PCDHA8: variants seen among roughly 807,000 people sequenced by gnomAD.
PCDHA8 encodes the protein protocadherin alpha-8.
Under a neutral mutation model 61.8 loss-of-function variants are expected in PCDHA8, and 53 were observed. The observed-to-expected ratio is 0.86, with a 90% CI of 0.69 to 1.08. The LOEUF (loss-of-function observed/expected upper bound fraction) is 1.08, where lower values mean the gene tolerates loss of function less well. Ranked by LOEUF, PCDHA8 falls within the 50% of genes least tolerant of loss-of-function variation. The probability of loss-of-function intolerance (pLI) is 0.00; values close to 1 mark genes in which losing one functional copy is unlikely to be tolerated. For synonymous variants in PCDHA8, 618 were observed against 556.6 expected (o/e 1.11, Z -1.55); for missense variants, 1,293 against 1,245.0 (o/e 1.04, Z -0.58).
At chr5:141,001,702 G>C (rs2098033163) in intron 3 of PCDHA8, among the ~76,000 whole-genome samples, 1 of 152,194 alleles carries the variant, frequency 6.6e-6, no homozygotes, top group Non-Finnish European at 1.5e-5. Flanking sequence ...GGCGAAATAG[G>C]GGGCGGGGAA....
chr5:140,947,146 A>G (rs1253300651), intron 1 of PCDHA8, among the ~76,000 whole-genome samples: 2 of 151,546 alleles, frequency 1.3e-5, no homozygotes, highest in Non-Finnish European at 1.5e-5. Context: ...ATGTATAGTT[A>G]CTTCCACGGG....
intron 1 of PCDHA8, among the ~76,000 whole-genome samples, chr5:140,941,737 T>A (rs1221306435): frequency 3.9e-5 from 6 of 152,234 alleles, no homozygotes; most frequent in Admixed American, 2.0e-4. Context: ...TTCCCCATTA[T>A]CTTATCAGAT....
chr5:140,882,853 A>G lies in PCDHA8; in HGVS notation c.2394+39138A>G, dbSNP rs782160647. On this transcript the variant is annotated intron_variant, in intron 1 of 3. Transcript: ENST00000531613. ...AGCAAATGTCTTCATTATCACTTGTACTGAGGAAAACACTGGACAGAGAGG... is the reference window on the plus strand; with the variant it reads ...AGCAAATGTCTTCATTATCACTTGTGCTGAGGAAAACACTGGACAGAGAGG... 1.9e-6 allele frequency: 3 copies of G among 1,614,218 alleles called. No individual in the cohort carries two copies. The Admixed American group carries it at 5.0e-5, about 27-fold the overall frequency.
At chr5:140,883,239 A>ACAAAGGAAATATTC in intron 1 of PCDHA8, 1 of 1,614,096 alleles carries the variant, frequency 6.2e-7, no homozygotes, top group Non-Finnish European at 8.5e-7. Context: ...GAGGCAGTTG[A>ACAAAGGAAATATTC]CAAAGGAAAT....
intron 1 of PCDHA8, chr5:140,882,304 G>A (rs1046715245): frequency 1.2e-6 from 2 of 1,613,750 alleles, no homozygotes; most frequent in Non-Finnish European, 1.7e-6. Context: ...CAAGACCGCG[G>A]CAACTACTGC....
chr5:140,870,792 A>G (rs782032105), intron 1 of PCDHA8: 5 of 1,613,658 alleles, frequency 3.1e-6, no homozygotes, highest in East Asian at 2.2e-5. Flanking sequence ...ACGCGCCGGC[A>G]CTGCTGGCGA....
chr5:140,986,736 A>C (rs1056820843), intron 3 of PCDHA8, among the ~76,000 whole-genome samples: 1 of 152,206 alleles, frequency 6.6e-6, no homozygotes, highest in South Asian at 2.1e-4. Context: ...TCAAGACCCC[A>C]GGGGATCTGG....
At chr5:140,967,718 C>G (rs959323631) in intron 1 of PCDHA8, 1 of 1,613,988 alleles carries the variant, frequency 6.2e-7, no homozygotes, top group Non-Finnish European at 8.5e-7. Flanking sequence ...CGGGGAAGTG[C>G]GAGTAATTGG....
intron 1 of PCDHA8, chr5:140,848,382 ACTCT>A (rs1581148542): frequency 1.7e-6 from 2 of 1,188,866 alleles, no homozygotes; most frequent in Non-Finnish European, 2.4e-6. Flanking sequence ...ATTCTTTTTC[ACTCT>A]CTCTGTGCTG....
Position 140,841,493 on chromosome 5 carries a change from G to A in PCDHA8, c.172G>A (p.Glu58Lys), listed in dbSNP as rs2150316668. Residue 58 changes from glutamate (E) to lysine (K), a missense_variant, in exon 1 of 4, where the codon GAG (glutamate) becomes AAG (lysine). By Grantham distance (56) the Glu-to-Lys change is moderately conservative. Coordinates refer to ENST00000531613, the MANE Select transcript of PCDHA8 (RefSeq NM_018911.3). Reference sequence around the variant, plus strand: ...GCAGGACCTGGGGCTGGAGCTGGCGGAGCTGGTGCCGCGCCTGTTCCGGGT... The same window carrying A: ...GCAGGACCTGGGGCTGGAGCTGGCGAAGCTGGTGCCGCGCCTGTTCCGGGT... The part of the protein sequence containing the change: ...IAQDLGLELA[E>K]LVPRLFRVAS... 2.5e-5 allele frequency: 41 copies of A among 1,613,108 alleles called. No homozygotes were observed. The South Asian group carries it at 4.3e-4, about 17-fold the overall frequency.
intron 1 of PCDHA8, among the ~76,000 whole-genome samples, chr5:140,909,491 A>T (rs1031839388): frequency 1.3e-5 from 2 of 152,218 alleles, no homozygotes; most frequent in Non-Finnish European, 2.9e-5. Flanking sequence ...GGAGAGCTGA[A>T]CGGGGATGTG....
At chr5:140,961,384 A>G (rs568973458) in intron 1 of PCDHA8, among the ~76,000 whole-genome samples, 44 of 152,302 alleles carry the variant, frequency 2.9e-4, no homozygotes, top group Non-Finnish European at 5.7e-4. Flanking sequence ...AGTTTGAACT[A>G]TTCCATTAGT....
intron 1 of PCDHA8, among the ~76,000 whole-genome samples, chr5:140,921,752 C>T (rs1429216387): frequency 6.6e-6 from 1 of 152,130 alleles, no homozygotes; most frequent in Non-Finnish European, 1.5e-5. Context: ...TAACAGGACA[C>T]TTCTTGGCTA....
chr5:140,904,797 C>T (rs2071388214), intron 1 of PCDHA8, among the ~76,000 whole-genome samples: 1 of 152,022 alleles, frequency 6.6e-6, no homozygotes, highest in East Asian at 1.9e-4. Context: ...TTTGCATTTT[C>T]CTGATAATTA....
intron 1 of PCDHA8, chr5:140,849,742 A>G: frequency 6.3e-7 from 1 of 1,598,398 alleles, no homozygotes; most frequent in South Asian, 1.1e-5. Context: ...CTGGACCGCG[A>G]GAGTGTGTCC....
At chr5:141,003,941 G>A (rs532794918) in intron 3 of PCDHA8, among the ~76,000 whole-genome samples, 1 of 152,236 alleles carries the variant, frequency 6.6e-6, no homozygotes, top group African/African-American at 2.4e-5. Flanking sequence ...TTTGCCTGAG[G>A]GTGAGCTAGG....
rs191667063 is a variant in PCDHA8 at position 140,957,933 on chromosome 5, T to G, written c.2395-21016T>G. Among the ~76,000 whole-genome samples the G allele has an allele frequency of 2.8e-3, 419 of 152,208 alleles. 2 individuals carry two copies. The highest frequency in any genetic ancestry group is 0.014 in the Middle Eastern group (4 of 294). ...GTTATCTATGTATCAAGCTAAATAA[T>G]TTAAAGATCTTTAAGACTATTAATT... is the stretch of plus-strand genomic sequence containing the variant. On this transcript the variant is annotated intron_variant, in intron 1 of 3. Transcript: ENST00000531613.
chr5:140,965,877 G>C (rs1355769719), intron 1 of PCDHA8, among the ~76,000 whole-genome samples: 3 of 152,210 alleles, frequency 2.0e-5, no homozygotes, highest in Non-Finnish European at 4.4e-5. Context: ...CCACTTGGCC[G>C]AGAGCAGAAT....
chr5:140,875,809 C>T, intron 1 of PCDHA8: 1 of 1,614,146 alleles, frequency 6.2e-7, no homozygotes, highest in Non-Finnish European at 8.5e-7. Flanking sequence ...CGTGGACAGG[C>T]CGCTGCAGGT....
Sources: allele counts gnomAD v4.1 joint callset (sites outside exome capture counted in the v4.1 genomes callset), GRCh38; gene constraint gnomAD v4.1.1; transcripts MANE v1.5; gene names NCBI Gene and HGNC (gene_info 2026-07-23, HGNC 2026-07-21).